The following NAALADL2 variants were observed in gnomAD, a reference collection of about 807,000 sequenced individuals.
NAALADL2 encodes the protein N-acetylated alpha-linked acidic dipeptidase like 2, also known as inactive N-acetylated-alpha-linked acidic dipeptidase-like protein 2.
A neutral mutation model predicts 87.2 loss-of-function variants in NAALADL2; 76 were observed. The ratio of observed to expected loss-of-function variants is 0.87; its 90% CI spans 0.72 to 1.05. The LOEUF (loss-of-function observed/expected upper bound fraction) is 1.05, where lower values mean the gene tolerates loss of function less well. NAALADL2 is among the 50% of genes least tolerant of loss of function. The probability of loss-of-function intolerance (pLI) is 0.00; values close to 1 mark genes in which losing one functional copy is unlikely to be tolerated. For synonymous variants in NAALADL2, 354 were observed against 331.0 expected (o/e 1.07, Z -0.75); for missense variants, 1,089 against 945.8 (o/e 1.15, Z -1.99).
chr3:174,468,365 T>G (rs1716664948), intron 1 of NAALADL2, among the ~76,000 whole-genome samples: 1 of 149,542 alleles, frequency 6.7e-6, no homozygotes, highest in African/African-American at 2.4e-5. Context: ...ATTTTCATTT[T>G]CTTTCTTTCT....
chr3:175,706,929 T>G (rs2149987549), intron 11 of NAALADL2, among the ~76,000 whole-genome samples: 1 of 152,268 alleles, frequency 6.6e-6, no homozygotes, highest in African/African-American at 2.4e-5. Context: ...TTCTAAGTGG[T>G]GTGTCTTGCT....
At chr3:174,461,829 C>CTG (rs971558381) in intron 1 of NAALADL2, among the ~76,000 whole-genome samples, 1 of 151,850 alleles carries the variant, frequency 6.6e-6, no homozygotes, top group Non-Finnish European at 1.5e-5. Flanking sequence ...CCCTCCCACA[C>CTG]TGTGTGTGTG....
At chr3:175,159,283 G>C (rs1323051890) in intron 2 of NAALADL2, among the ~76,000 whole-genome samples, 3 of 152,134 alleles carry the variant, frequency 2.0e-5, no homozygotes, top group Non-Finnish European at 4.4e-5. Context: ...TCTTGGGTTT[G>C]ATTGATATCA....
At chr3:175,460,041 A>G (rs1722878452) in intron 6 of NAALADL2, 9 of 389,724 alleles carry the variant, frequency 2.3e-5, no homozygotes, top group Non-Finnish European at 3.1e-5. Context: ...TATTGCTATT[A>G]CAGATTATAC....
intron 3 of NAALADL2, among the ~76,000 whole-genome samples, chr3:174,839,478 A>G (rs2109412958): frequency 6.6e-6 from 1 of 152,260 alleles, no homozygotes; most frequent in East Asian, 1.9e-4. Context: ...TGCAATAAAA[A>G]CAAAGATAAA....
intron 1 of NAALADL2, among the ~76,000 whole-genome samples, chr3:174,885,121 CATT>C (rs1319307347): frequency 6.6e-6 from 1 of 152,144 alleles, no homozygotes; most frequent in Non-Finnish European, 1.5e-5. Context: ...TCCCCATTGT[CATT>C]AGGGTCCTCA....
At chr3:175,734,030 G>C (rs186841520) in intron 11 of NAALADL2, among the ~76,000 whole-genome samples, 1 of 152,182 alleles carries the variant, frequency 6.6e-6, no homozygotes, top group Non-Finnish European at 1.5e-5. Context: ...TTGAGCATCT[G>C]TGGCTTTTTC....
intron 13 of NAALADL2, among the ~76,000 whole-genome samples, chr3:175,797,660 T>C (rs1753667877): frequency 6.6e-6 from 1 of 152,064 alleles, no homozygotes; most frequent in Non-Finnish European, 1.5e-5. Flanking sequence ...GAAAAATGGG[T>C]CTATAATGGA....
chr3:174,767,730 A>C (rs1167249437), intron 3 of NAALADL2, among the ~76,000 whole-genome samples: 6 of 152,216 alleles, frequency 3.9e-5, no homozygotes, highest in Admixed American at 1.3e-4. Context: ...CTATTTTCTC[A>C]ATTCTCCAAA....
chr3:175,489,665 A>G (rs115824242), intron 9 of NAALADL2, among the ~76,000 whole-genome samples: 75 of 152,316 alleles, frequency 4.9e-4, no homozygotes, highest in African/African-American at 1.7e-3. Flanking sequence ...TCCCAAGAGT[A>G]GAAATGACCA....
At chr3:175,519,326 A>G (rs1435023716) in intron 9 of NAALADL2, among the ~76,000 whole-genome samples, 1 of 152,204 alleles carries the variant, frequency 6.6e-6, no homozygotes, top group Non-Finnish European at 1.5e-5. Flanking sequence ...GGCTAGACTC[A>G]GGGGAGAATG....
chr3:174,882,620 C>CTT (rs1729423869), intron 1 of NAALADL2, among the ~76,000 whole-genome samples: 3 of 146,260 alleles, frequency 2.1e-5, no homozygotes, highest in Non-Finnish European at 4.5e-5. Flanking sequence ...TGTGCATATG[C>CTT]ATATATGTGC....
At chr3:174,919,434 A>G (rs1734845842) in intron 1 of NAALADL2, among the ~76,000 whole-genome samples, 1 of 152,202 alleles carries the variant, frequency 6.6e-6, no homozygotes, top group South Asian at 2.1e-4. Context: ...CCAGGAGCAC[A>G]TGCCATCTCA....
chr3:175,572,901 A>G (rs200037766), intron 9 of NAALADL2, among the ~76,000 whole-genome samples: 11 of 14,950 alleles, frequency 7.4e-4, no homozygotes, highest in Admixed American at 3.8e-3. Flanking sequence ...CTCTATCTTG[A>G]AAAAAAAAAA....
chr3:175,210,225 T>G (rs1053664976), intron 2 of NAALADL2, among the ~76,000 whole-genome samples: 1 of 151,724 alleles, frequency 6.6e-6, no homozygotes, highest in African/African-American at 2.4e-5. Flanking sequence ...TCAAACTAGT[T>G]GTCAGGAAAA....
At chr3:175,453,227 G>A (rs967882989) in intron 6 of NAALADL2, among the ~76,000 whole-genome samples, 1 of 152,002 alleles carries the variant, frequency 6.6e-6, no homozygotes. Flanking sequence ...GAGTTTATAT[G>A]TGTGATAAAA....
At chr3:175,465,023 C>T (rs1723755426) in intron 7 of NAALADL2, among the ~76,000 whole-genome samples, 1 of 151,906 alleles carries the variant, frequency 6.6e-6, no homozygotes, top group South Asian at 2.1e-4. Context: ...TCGATTTTAC[C>T]ATTAGTATTC....
chr3:174,575,922 T>G (rs535037785), intron 2 of NAALADL2, among the ~76,000 whole-genome samples: 16 of 152,218 alleles, frequency 1.1e-4, no homozygotes, highest in Admixed American at 2.6e-4. Flanking sequence ...TGGAGTGCAA[T>G]GTGCGATCTC....
intron 1 of NAALADL2, among the ~76,000 whole-genome samples, chr3:174,927,798 A>T (rs1736303346): frequency 1.3e-5 from 2 of 152,208 alleles, no homozygotes; most frequent in Non-Finnish European, 2.9e-5. Flanking sequence ...AATTGAAAGA[A>T]CTAGAGAAGC....
Sources: allele counts gnomAD v4.1 joint callset (sites outside exome capture counted in the v4.1 genomes callset), GRCh38; gene constraint gnomAD v4.1.1; transcripts MANE v1.5; gene names NCBI Gene and HGNC (gene_info 2026-07-23, HGNC 2026-07-21).